The following ROBO2 variants were observed in gnomAD, a reference collection of about 807,000 sequenced individuals.
The protein encoded by ROBO2 is roundabout guidance receptor 2.
ROBO2 carries 53 observed loss-of-function variants against 160.8 expected under a neutral mutation model. That is an observed-to-expected ratio of 0.33 (90% confidence interval 0.26 to 0.41). The LOEUF is 0.41. Ranked by LOEUF, ROBO2 falls within the 10% of genes least tolerant of loss-of-function variation. The pLI is 1.00. For synonymous variants in ROBO2, 664 were observed against 611.7 expected (o/e 1.09, Z -1.26); for missense variants, 1,577 against 1,722.4 (o/e 0.92, Z 1.49).
Position 76,624,796 on chromosome 3 carries a change from C to CAAAAAA in ROBO2, c.110-473185_110-473180dup, listed in dbSNP as rs57920315. Among the ~76,000 whole-genome samples, 182 of 46,328 alleles carry CAAAAAA rather than the reference C, an allele frequency of 3.9e-3. 27 individuals carry two copies. The highest frequency in any genetic ancestry group is 0.025 in the Middle Eastern group (1 of 40). 30.4% of individuals were successfully genotyped at this position (46,328 alleles called of 152,430 possible). A position where few individuals can be genotyped will look rare whatever the true frequency, so the allele number is the denominator to read the frequency against. ...TGAGTGACAGAGTGAGACTCCGTCT[C>CAAAAAA]AAAAAAAAAAAAAAAAAAAAAAAAA... On this transcript the variant is annotated intron_variant, in intron 2 of 26. Coordinates refer to the ROBO2 transcript ENST00000487694.
At chr3:76,446,849 T>G (rs1488259671) in intron 2 of ROBO2, among the ~76,000 whole-genome samples, 1 of 152,182 alleles carries the variant, frequency 6.6e-6, no homozygotes, top group Non-Finnish European at 1.5e-5. Flanking sequence ...TGTAGAAAGT[T>G]GAAACTGGAT....
intron 2 of ROBO2, among the ~76,000 whole-genome samples, chr3:77,334,704 A>G (rs987778294): frequency 6.6e-6 from 1 of 151,440 alleles, no homozygotes; most frequent in African/African-American, 2.4e-5. Flanking sequence ...GACTGACAGA[A>G]AAAAGAAAAC....
chr3:75,960,029 C>T (rs1948854713), intron 2 of ROBO2, among the ~76,000 whole-genome samples: 1 of 151,662 alleles, frequency 6.6e-6, no homozygotes, highest in Admixed American at 6.6e-5. Flanking sequence ...GATTGCAGGG[C>T]AGCTGAGTGA....
chr3:77,211,585 C>A (rs1460141508), intron 2 of ROBO2, among the ~76,000 whole-genome samples: 1 of 152,132 alleles, frequency 6.6e-6, no homozygotes, highest in African/African-American at 2.4e-5. Context: ...TTAATTAGAT[C>A]CCATTTGTCA....
At chr3:76,031,654 A>T (rs932993926) in intron 2 of ROBO2, among the ~76,000 whole-genome samples, 1 of 151,836 alleles carries the variant, frequency 6.6e-6, no homozygotes, top group African/African-American at 2.4e-5. Context: ...TGTTTATGTG[A>T]TGGATTACAT....
At chr3:77,438,054 A>G (rs2079492828) in intron 2 of ROBO2, among the ~76,000 whole-genome samples, 1 of 152,008 alleles carries the variant, frequency 6.6e-6, no homozygotes, top group Non-Finnish European at 1.5e-5. Flanking sequence ...CTGTCTTATA[A>G]TAATACTTTC....
At chr3:76,738,108 C>T (rs1035822992) in intron 2 of ROBO2, among the ~76,000 whole-genome samples, 2 of 151,382 alleles carry the variant, frequency 1.3e-5, no homozygotes, top group Non-Finnish European at 2.9e-5. Flanking sequence ...CACTCCAGCC[C>T]AGGTGACACA....
intron 8 of ROBO2, among the ~76,000 whole-genome samples, chr3:77,553,819 T>C (rs1340705916): frequency 2.6e-5 from 4 of 151,868 alleles, no homozygotes; most frequent in Non-Finnish European, 4.4e-5. Flanking sequence ...TTGATGAGAT[T>C]TGAGGAAAAA....
At chr3:77,185,143 GA>G (rs1560186913) in intron 2 of ROBO2, among the ~76,000 whole-genome samples, 1 of 151,986 alleles carries the variant, frequency 6.6e-6, no homozygotes, top group African/African-American at 2.4e-5. Flanking sequence ...GAGGTAGAAT[GA>G]TAGTTCCATC....
At chr3:76,654,034 A>G (rs537331150) in intron 2 of ROBO2, among the ~76,000 whole-genome samples, 19 of 152,218 alleles carry the variant, frequency 1.2e-4, no homozygotes, top group Non-Finnish European at 2.5e-4. Context: ...TGAGGGTCAG[A>G]AAGGGAATCC....
intron 2 of ROBO2, among the ~76,000 whole-genome samples, chr3:76,122,218 A>G (rs1410929855): frequency 1.3e-5 from 2 of 152,198 alleles, no homozygotes; most frequent in African/African-American, 2.4e-5. Context: ...TCAGTCAAAC[A>G]TGAATGTTGA....
At chr3:76,511,116 C>T (rs776701356) in intron 2 of ROBO2, among the ~76,000 whole-genome samples, 15 of 152,108 alleles carry the variant, frequency 9.9e-5, no homozygotes, top group Non-Finnish European at 1.0e-4. Context: ...GGTATTACTG[C>T]CCCCGAAAGA....
intron 2 of ROBO2, among the ~76,000 whole-genome samples, chr3:77,234,851 G>A (rs2087719937): frequency 6.6e-6 from 1 of 152,140 alleles, no homozygotes; most frequent in Non-Finnish European, 1.5e-5. Flanking sequence ...ATGGTTATTG[G>A]TTGGGGACTT....
chr3:76,724,748 T>C (rs2093521363), intron 2 of ROBO2, among the ~76,000 whole-genome samples: 2 of 152,190 alleles, frequency 1.3e-5, no homozygotes, highest in Non-Finnish European at 2.9e-5. Flanking sequence ...CTATAAATGT[T>C]ACTTATATGG....
chr3:77,382,145 G>A (rs2073559866), intron 2 of ROBO2, among the ~76,000 whole-genome samples: 3 of 152,160 alleles, frequency 2.0e-5, no homozygotes, highest in African/African-American at 7.2e-5. Flanking sequence ...TTTTAAAGCT[G>A]AGGCATAAAT....
intron 2 of ROBO2, among the ~76,000 whole-genome samples, chr3:76,945,671 A>T (rs1311674228): frequency 2.0e-5 from 3 of 152,144 alleles, no homozygotes; most frequent in Non-Finnish European, 4.4e-5. Flanking sequence ...AATAAATTTT[A>T]ACTGCCATGT....
intron 2 of ROBO2, among the ~76,000 whole-genome samples, chr3:76,505,996 G>A (rs2080776348): frequency 6.6e-6 from 1 of 152,166 alleles, no homozygotes. Context: ...ATTTTGAAAA[G>A]CACTGATGAA....
intron 2 of ROBO2, among the ~76,000 whole-genome samples, chr3:77,292,508 A>G (rs1324667755): frequency 6.6e-6 from 1 of 151,938 alleles, no homozygotes; most frequent in African/African-American, 2.4e-5. Flanking sequence ...GACATAAAGT[A>G]AAATTGATGG....
Position 77,317,247 on chromosome 3 carries a change from C to T in ROBO2, c.389-160167C>T. 7.7e-6 allele frequency: 6 copies of T among 778,306 alleles called. No individual in the cohort carries two copies. In the South Asian group the frequency reaches 8.7e-5, roughly 11 times the overall value. 48.2% of individuals were successfully genotyped at this position (778,306 alleles called of 1,614,324 possible). On this transcript the variant is annotated intron_variant, in intron 2 of 25. Coordinates refer to ENST00000461745, the Ensembl canonical transcript of ROBO2. ...CGTCACAGCCCAGGTTAATGTGCTC[C>T]CACTTGCACCCTGTCTTGATTTTAG...
Sources: allele counts gnomAD v4.1 joint callset (sites outside exome capture counted in the v4.1 genomes callset), GRCh38; gene constraint gnomAD v4.1.1; transcripts MANE v1.5; gene names NCBI Gene and HGNC (gene_info 2026-07-23, HGNC 2026-07-21).